The following SEL1L variants were observed in gnomAD, a reference collection of about 807,000 sequenced individuals.
SEL1L encodes SEL1L adaptor subunit of SYVN1 ubiquitin ligase.
A neutral mutation model predicts 109.8 loss-of-function variants in SEL1L; 52 were observed. The observed-to-expected ratio is 0.47, with a 90% CI of 0.38 to 0.60. The LOEUF (loss-of-function observed/expected upper bound fraction) is 0.60. Among genes scored for constraint, SEL1L ranks in the 20% least tolerant of loss-of-function variants. SEL1L has a pLI of 0.00. For missense variants in SEL1L, 749 were observed against 962.2 expected, an observed-to-expected ratio of 0.78 and a Z score of 2.93; for synonymous variants, 373 against 339.6, an observed-to-expected ratio of 1.10 and a Z score of -1.08.
chr14:81,493,058 A>G (rs1331182014), intron 11 of SEL1L, among the ~76,000 whole-genome samples: 1 of 152,234 alleles, frequency 6.6e-6, no homozygotes, highest in Non-Finnish European at 1.5e-5. Context: ...CACTAGCATC[A>G]GCAGAAATTC....
chr14:81,531,717 G>C (rs1435047822), intron 1 of SEL1L, among the ~76,000 whole-genome samples: 7 of 152,008 alleles, frequency 4.6e-5, no homozygotes, highest in Admixed American at 4.6e-4. Flanking sequence ...ATCACACCTG[G>C]AGTTACGTAG....
At chr14:81,483,689 A>C (rs1219564914) in intron 19 of SEL1L, among the ~76,000 whole-genome samples, 1 of 152,182 alleles carries the variant, frequency 6.6e-6, no homozygotes, top group African/African-American at 2.4e-5. Flanking sequence ...GTTAATGCTT[A>C]AAATAGCTGG....
In SEL1L at chr14:81,526,913, C is replaced by T; in HGVS notation, c.160G>A (p.Val54Ile). 6.2e-7 allele frequency: 1 copy of T among 1,602,540 alleles called. No individual in the cohort carries two copies. The highest frequency in any genetic ancestry group is 8.5e-7 in the Non-Finnish European group (1 of 1,176,220). ...SVKDHTTAGR[V>I]VAGQIFLDSE... ...TCAAGAAATATTTGACCAGCAACTACTCTGCCTGCAGTAGTATGGTCCTTT... is the reference window on the plus strand; with the variant it reads ...TCAAGAAATATTTGACCAGCAACTATTCTGCCTGCAGTAGTATGGTCCTTT... Residue 54 changes from valine to isoleucine, a missense_variant, in exon 3 of 21, where the codon GTA becomes ATA. Val to Ile is a conservative substitution (Grantham distance 29). Coordinates refer to ENST00000336735, the MANE Select transcript of SEL1L (RefSeq NM_005065.6).
At chr14:81,484,076 G>A in intron 19 of SEL1L, 149 bp downstream of exon 19, 1 of 757,350 alleles carries the variant, frequency 1.3e-6, no homozygotes, top group Non-Finnish European at 2.2e-6. Context: ...AGATGGAAGG[G>A]CAGTCTTCTG....
At chr14:81,485,633 T>G in intron 18 of SEL1L, 39 bp downstream of exon 18, 1 of 1,519,300 alleles carries the variant, frequency 6.6e-7, no homozygotes, top group Non-Finnish European at 9.1e-7. Flanking sequence ...CATAGGGAGG[T>G]CCCTGGGTGA....
At chr14:81,523,127 G>A (rs1195563343) in intron 3 of SEL1L, among the ~76,000 whole-genome samples, 1 of 152,254 alleles carries the variant, frequency 6.6e-6, no homozygotes, top group Non-Finnish European at 1.5e-5. Context: ...ATGATAATGA[G>A]AAAATTGGTG....
chr14:81,489,669 A>AC (rs1883466396), intron 13 of SEL1L, among the ~76,000 whole-genome samples: 1 of 152,216 alleles, frequency 6.6e-6, no homozygotes, highest in South Asian at 2.1e-4. Flanking sequence ...CACTGGTAAC[A>AC]TCCCACTCCA....
intron 3 of SEL1L, among the ~76,000 whole-genome samples, chr14:81,512,035 C>A (rs1884498253): frequency 6.6e-6 from 1 of 152,170 alleles, no homozygotes; most frequent in Non-Finnish European, 1.5e-5. Flanking sequence ...GGCTTCTTTT[C>A]ACATAAAGGA....
intron 3 of SEL1L, among the ~76,000 whole-genome samples, chr14:81,507,047 G>T (rs1029380121): frequency 2.0e-5 from 3 of 152,168 alleles, no homozygotes; most frequent in Non-Finnish European, 2.9e-5. Flanking sequence ...TCATGGGTGG[G>T]GTGGGTAGGA....
intron 16 of SEL1L, among the ~76,000 whole-genome samples, chr14:81,486,932 C>T (rs558433159): frequency 1.1e-3 from 170 of 151,232 alleles, no homozygotes; most frequent in African/African-American, 4.0e-3. Context: ...ATTAGCATTC[C>T]TTTTTGGAAC....
chr14:81,497,142 GAAC>G (rs1218586580), intron 10 of SEL1L, among the ~76,000 whole-genome samples: 1 of 152,026 alleles, frequency 6.6e-6, no homozygotes, highest in African/African-American at 2.4e-5. Flanking sequence ...ATGTTTAATT[GAAC>G]AAGTTTATTA....
intron 3 of SEL1L, among the ~76,000 whole-genome samples, chr14:81,513,493 G>A (rs1884572610): frequency 1.3e-5 from 2 of 152,046 alleles, no homozygotes; most frequent in Admixed American, 1.3e-4. Context: ...CACTCACCGC[G>A]AGAGTCCGTG....
chr14:81,497,195 C>A (rs185381622), intron 10 of SEL1L, among the ~76,000 whole-genome samples: 1 of 151,682 alleles, frequency 6.6e-6, no homozygotes, highest in Non-Finnish European at 1.5e-5. Flanking sequence ...CGTTTCACTA[C>A]GTTTTTTTTT....
At chr14:81,486,956 C>CT (rs1903539825) in intron 16 of SEL1L, among the ~76,000 whole-genome samples, 1 of 147,434 alleles carries the variant, frequency 6.8e-6, no homozygotes, top group Non-Finnish European at 1.5e-5. Flanking sequence ...CATTCAACTT[C>CT]TTTTTCTTTC....
rs76164053 is a variant in SEL1L at position 81,498,676 on chromosome 14, C to G, written c.892-182G>C. ...GGATTCAGCAACTTCAACAAGAAGG[C>G]CATAGCTAAGAGCAAGGAAATAAAT... On this transcript the variant is annotated intron_variant, in intron 8 of 20. Transcript: ENST00000336735. 2.6e-3 allele frequency: 1,410 copies of G among 533,230 alleles called. 22 individuals are homozygous for G. Among genetic ancestry groups the G allele is most frequent in the African/African-American group, 0.025 (1,318 of 52,624 alleles). 33.0% of individuals were successfully genotyped at this position (533,230 alleles called of 1,614,324 possible). A position where few individuals can be genotyped will look rare whatever the true frequency, so the allele number is the denominator to read the frequency against.
At chr14:81,489,012 C>T (rs1481817289) in intron 14 of SEL1L, 5 of 521,078 alleles carry the variant, frequency 9.6e-6, no homozygotes, top group Non-Finnish European at 1.7e-5. Flanking sequence ...GATGGAAGAA[C>T]AAGAAACAAC....
At chr14:81,506,007 A>C (rs1884223181) in intron 4 of SEL1L, 67 bp downstream of exon 4, 1 of 1,459,220 alleles carries the variant, frequency 6.9e-7, no homozygotes, top group African/African-American at 1.4e-5. Flanking sequence ...TGGCTAGAAA[A>C]AGGCCTTAAA....
At chr14:81,496,204 G>A (rs1883741233) in intron 10 of SEL1L, among the ~76,000 whole-genome samples, 1 of 151,324 alleles carries the variant, frequency 6.6e-6, no homozygotes, top group Non-Finnish European at 1.5e-5. Flanking sequence ...GGTGCCTGTA[G>A]TCCCAGCTAC....
At chr14:81,506,564 G>C (rs75829988) in intron 3 of SEL1L, among the ~76,000 whole-genome samples, 2 of 152,282 alleles carry the variant, frequency 1.3e-5, no homozygotes, top group Admixed American at 6.5e-5. Context: ...AAATGCAAGT[G>C]AATCAATTCT....
Sources: gnomAD v4.1 joint callset for allele counts (sites outside exome capture counted in the v4.1 genomes callset) on GRCh38, gnomAD v4.1.1 for gene constraint, MANE v1.5 for transcripts, NCBI Gene and HGNC (gene_info 2026-07-23, HGNC 2026-07-21) for gene names.